Variants in OTOG observed in about 807,000 individuals in gnomAD.
OTOG encodes otogelin.
Under a neutral mutation model 313.8 loss-of-function variants are expected in OTOG, and 296 were observed. The observed-to-expected ratio is 0.94, with a 90% CI of 0.86 to 1.04. The LOEUF (loss-of-function observed/expected upper bound fraction) is 1.04. Ranked by LOEUF, OTOG falls within the 50% of genes least tolerant of loss-of-function variation. The pLI is 0.00. For missense variants in OTOG, 3,948 were observed against 3,840.1 expected (o/e 1.03, Z -0.74); for synonymous variants, 1,533 against 1,554.9 (o/e 0.99, Z 0.33).
At chr11:17,624,756 A>G (rs1484752804) in intron 39 of OTOG, among the ~76,000 whole-genome samples, 1 of 152,178 alleles carries the variant, frequency 6.6e-6, no homozygotes, top group Admixed American at 6.5e-5. Flanking sequence ...CAGTATGGCC[A>G]TTTTAACAAT....
chr11:17,625,322 A>G (rs1166365196), intron 39 of OTOG, among the ~76,000 whole-genome samples: 1 of 152,146 alleles, frequency 6.6e-6, no homozygotes, highest in Non-Finnish European at 1.5e-5. Flanking sequence ...ATTTTGAGGT[A>G]TGTTCCTTTA....
At chr11:17,644,702 G>T (rs1848039158) in intron 54 of OTOG, among the ~76,000 whole-genome samples, 2 of 152,190 alleles carry the variant, frequency 1.3e-5, no homozygotes, top group Admixed American at 1.3e-4. Flanking sequence ...TATTTAAAAT[G>T]CACAAAGAAC....
chr11:17,583,141 TA>T (rs777366567), intron 23 of OTOG, among the ~76,000 whole-genome samples: 17 of 150,790 alleles, frequency 1.1e-4, no homozygotes, highest in Non-Finnish European at 1.2e-4. Flanking sequence ...TTATTATTAT[TA>T]TTTTTTTTTA....
chr11:17,561,049 C>T, intron 13 of OTOG, 42 bp from the exon 14 acceptor site: 1 of 1,548,976 alleles, frequency 6.5e-7, no homozygotes, highest in Non-Finnish European at 8.7e-7. Context: ...TAGCTCAGGC[C>T]TGGAGGGGTG....
chr11:17,624,851 C>T (rs1853947529), intron 39 of OTOG, among the ~76,000 whole-genome samples: 1 of 152,058 alleles, frequency 6.6e-6, no homozygotes, highest in African/African-American at 2.4e-5. Flanking sequence ...TTTTGTAGTT[C>T]TCCTTGTAAA....
chr11:17,579,051 G>C (rs754957089), intron 23 of OTOG, among the ~76,000 whole-genome samples: 1 of 152,208 alleles, frequency 6.6e-6, no homozygotes, highest in African/African-American at 2.4e-5. Context: ...TGAGAGCTGC[G>C]TGAGTCAGGC....
At position 17,568,603 on chromosome 11, in the gene OTOG, G is replaced by C. The variant is rs112055506; in HGVS notation, c.1645-553G>C. 3.0e-3 allele frequency among the ~76,000 whole-genome samples: 459 copies of C among 152,256 alleles called. 1 individual carries two copies. Among genetic ancestry groups the C allele is most frequent in the African/African-American group, 0.01 (431 of 41,540 alleles). ...GATACAGTATGCCTTGCACATAGTT[G>C]GTGCTCAGTTAAGTGTTTAAATGAA... On this transcript the variant is annotated intron_variant, in intron 15 of 55. Transcript: ENST00000399397.
intron 15 of OTOG, among the ~76,000 whole-genome samples, chr11:17,563,140 C>A (rs1852223826): frequency 6.6e-6 from 1 of 152,178 alleles, no homozygotes; most frequent in Admixed American, 6.5e-5. Context: ...GAGAAAATGG[C>A]CAATGTGCAA....
At chr11:17,582,777 T>C (rs1852701283) in intron 23 of OTOG, among the ~76,000 whole-genome samples, 1 of 152,228 alleles carries the variant, frequency 6.6e-6, no homozygotes, top group South Asian at 2.1e-4. Context: ...GTGTCTGTTC[T>C]GGTCTTTTGC....
chr11:17,550,534 C>G (rs548543136), intron 3 of OTOG, among the ~76,000 whole-genome samples: 1 of 152,266 alleles, frequency 6.6e-6, no homozygotes, highest in Admixed American at 6.5e-5. Flanking sequence ...TTAAGAAATC[C>G]TTTAGAAAAT....
At position 17,613,509 on chromosome 11, in the gene OTOG, G is replaced by C. The variant is rs968998989; in HGVS notation, c.6439-103G>C. On this transcript the variant is annotated intron_variant, in intron 38 of 55. Transcript: ENST00000399397. ...GATGGGAGCCCCTGGCATAGTGCAGGGGGTAGTCAGGGGAGACTGTACTCA... is the reference window on the plus strand; with the variant it reads ...GATGGGAGCCCCTGGCATAGTGCAGCGGGTAGTCAGGGGAGACTGTACTCA... 4 of 943,922 alleles carry C rather than the reference G, an allele frequency of 4.2e-6. No homozygotes were observed. In the African/African-American group the frequency reaches 6.5e-5, roughly 15 times the overall value. 58.5% of individuals were successfully genotyped at this position (943,922 alleles called of 1,614,324 possible).
rs114896797 is a variant in OTOG, at chr11:17,600,970, G to A, written c.3710-1240G>A. Among the ~76,000 whole-genome samples the A allele has an allele frequency of 7.7e-4, 118 of 152,332 alleles. 1 individual carries two copies. Among genetic ancestry groups the A allele is most frequent in the African/African-American group, 2.6e-3 (110 of 41,576 alleles). On this transcript the variant is annotated intron_variant, in intron 31 of 55. Coordinates refer to ENST00000399397, the MANE Select transcript of OTOG (RefSeq NM_001292063.2). Reference sequence around the variant, plus strand: ...GAGTCCTGCCACAGCGGTGTGTGGAGCAGGCTCACGCCGCCTCTCTAGCAC... The same window carrying A: ...GAGTCCTGCCACAGCGGTGTGTGGAACAGGCTCACGCCGCCTCTCTAGCAC...
At chr11:17,588,492 T>C (rs886272185) in intron 24 of OTOG, among the ~76,000 whole-genome samples, 4 of 152,162 alleles carry the variant, frequency 2.6e-5, no homozygotes, top group Non-Finnish European at 2.9e-5. Context: ...CATTTATGGC[T>C]GAGTTGTAGG....
At chr11:17,618,830 C>T (rs893956656) in intron 39 of OTOG, among the ~76,000 whole-genome samples, 1 of 152,184 alleles carries the variant, frequency 6.6e-6, no homozygotes, top group Non-Finnish European at 1.5e-5. Flanking sequence ...ACTCTTTGTT[C>T]TGAATTCCAC....
intron 23 of OTOG, among the ~76,000 whole-genome samples, chr11:17,583,039 T>C (rs1852709763): frequency 6.6e-6 from 1 of 152,008 alleles, no homozygotes; most frequent in South Asian, 2.1e-4. Flanking sequence ...ATCATTTTTT[T>C]CTTTATAGTT....
intron 23 of OTOG, 63 bp from the exon 24 acceptor site, chr11:17,586,411 C>T: frequency 9.6e-7 from 1 of 1,036,708 alleles, no homozygotes; most frequent in Non-Finnish European, 1.3e-6. Context: ...AGGCAGGGTC[C>T]TCCACAGATG....
At chr11:17,578,764 C>A (rs574507275) in intron 23 of OTOG, among the ~76,000 whole-genome samples, 171 of 152,112 alleles carry the variant, frequency 1.1e-3, no homozygotes, top group Non-Finnish European at 1.5e-3. Context: ...TGAAATGGAA[C>A]CATCATCAGG....
intron 30 of OTOG, among the ~76,000 whole-genome samples, chr11:17,597,709 C>A (rs1191133566): frequency 6.6e-6 from 1 of 152,042 alleles, no homozygotes. Flanking sequence ...ATAAAGAAGG[C>A]TAAATTCTTC....
chr11:17,632,156 CCTGA>C lies in OTOG; in HGVS notation c.7006_7009del (p.Thr2336CysfsTer35). On this transcript the variant is annotated frameshift_variant, in exon 42 of 56. Transcript: ENST00000399397. LOFTEE classifies it high-confidence loss of function. ...AGTACGTGCAGCAGCCCTGCGTGGC[CCTGA>C]CTGTGTACGTGGCCATGTGCCACAA... The C allele has an allele frequency of 6.4e-7, 1 of 1,551,082 alleles. No individual in the cohort carries two copies.
Sources: gnomAD v4.1 joint callset for allele counts (sites outside exome capture counted in the v4.1 genomes callset) on GRCh38, gnomAD v4.1.1 for gene constraint, MANE v1.5 for transcripts, NCBI Gene and HGNC (gene_info 2026-07-23, HGNC 2026-07-21) for gene names.